AMMECR1: variants seen among roughly 807,000 people sequenced by gnomAD.
AMMECR1 encodes nuclear protein AMMECR1.
A neutral mutation model predicts 22.5 loss-of-function variants in AMMECR1; 3 were observed. The ratio of observed to expected loss-of-function variants is 0.13; its 90% CI spans 0.06 to 0.35. The LOEUF is 0.35. AMMECR1 is among the 10% of genes least tolerant of loss of function. AMMECR1 has a pLI of 1.00. For missense variants in AMMECR1, 235 were observed against 278.7 expected (o/e 0.84, Z 1.12); for synonymous variants, 130 against 116.7 (o/e 1.11, Z -0.74).
intron 2 of AMMECR1, among the ~76,000 whole-genome samples, chrX:110,408,685 C>T (rs1387913478): frequency 3.6e-5 from 4 of 112,098 alleles, no homozygotes; most frequent in Non-Finnish European, 1.9e-5. Flanking sequence ...TGTGATGTTG[C>T]TTTTGGAATT....
intron 2 of AMMECR1, among the ~76,000 whole-genome samples, chrX:110,351,571 A>G (rs1215462296): frequency 8.9e-6 from 1 of 111,911 alleles, no homozygotes; most frequent in Non-Finnish European, 1.9e-5. Context: ...CCTTCCTCAC[A>G]CTATATACAA....
chrX:110,204,220 CA>C (rs2067410947), intron 3 of AMMECR1, among the ~76,000 whole-genome samples: 1 of 111,236 alleles, frequency 9.0e-6, no homozygotes, highest in African/African-American at 3.3e-5. Flanking sequence ...TCAGATTCCT[CA>C]TAATTTGTTT....
intron 2 of AMMECR1, among the ~76,000 whole-genome samples, chrX:110,261,515 T>C (rs757696625): frequency 9.0e-6 from 1 of 111,657 alleles, no homozygotes; most frequent in South Asian, 3.7e-4. Context: ...AAAAAAATTG[T>C]ATTCTTAAAG....
chrX:110,325,493 A>T (rs193066499), intron 2 of AMMECR1, among the ~76,000 whole-genome samples: 1,876 of 111,113 alleles, frequency 0.017, 42 homozygotes, highest in African/African-American at 0.057. Flanking sequence ...GGTGTGTTAA[A>T]TTTTTCTGTT....
At chrX:110,311,293 A>G in intron 1 of AMMECR1, among the ~76,000 whole-genome samples, 1 of 110,631 alleles carries the variant, frequency 9.0e-6, no homozygotes, top group East Asian at 2.9e-4. Context: ...CTCCCTGACC[A>G]CTCCTTTATT....
chrX:110,429,775 G>T (rs916227132), intron 1 of AMMECR1, among the ~76,000 whole-genome samples: 2 of 112,262 alleles, frequency 1.8e-5, no homozygotes, highest in African/African-American at 6.5e-5. Context: ...GAGCCACCAT[G>T]CCTGGCTAGA....
intron 2 of AMMECR1, among the ~76,000 whole-genome samples, chrX:110,375,280 A>C (rs2068368369): frequency 8.9e-6 from 1 of 112,305 alleles, no homozygotes; most frequent in Admixed American, 9.4e-5. Context: ...CAGGAGAACA[A>C]GAGATGGAAT....
At chrX:110,388,088 C>T (rs949051566) in intron 2 of AMMECR1, among the ~76,000 whole-genome samples, 25 of 110,599 alleles carry the variant, frequency 2.3e-4, no homozygotes, top group African/African-American at 7.6e-4. Context: ...AGGATGGTCT[C>T]GATCTCCTGA....
intron 2 of AMMECR1, among the ~76,000 whole-genome samples, chrX:110,385,381 AT>A (rs1211156108): frequency 9.0e-6 from 1 of 111,490 alleles, no homozygotes; most frequent in Non-Finnish European, 1.9e-5. Context: ...AAATTCACCT[AT>A]TTAAAGTGTA....
At chrX:110,357,154 C>G (rs1224591763) in intron 2 of AMMECR1, among the ~76,000 whole-genome samples, 1 of 111,484 alleles carries the variant, frequency 9.0e-6, no homozygotes, top group Non-Finnish European at 1.9e-5. Flanking sequence ...ATTTAACACT[C>G]TATTTTTGAA....
intron 2 of AMMECR1, among the ~76,000 whole-genome samples, chrX:110,409,920 T>G (rs1436608044): frequency 2.7e-5 from 3 of 111,762 alleles, no homozygotes; most frequent in African/African-American, 9.8e-5. Context: ...ATCCCAAACC[T>G]GGCTGTACAA....
intron 1 of AMMECR1, among the ~76,000 whole-genome samples, chrX:110,292,022 C>T (rs768166168): frequency 3.6e-4 from 40 of 112,392 alleles, no homozygotes; most frequent in African/African-American, 1.3e-3. Context: ...TAGTTGATTA[C>T]ATTGTGACAA....
intron 2 of AMMECR1, among the ~76,000 whole-genome samples, chrX:110,382,953 G>A (rs1328990609): frequency 8.9e-6 from 1 of 111,945 alleles, no homozygotes; most frequent in East Asian, 2.8e-4. Context: ...TGGCCTATAA[G>A]GTACAGTAGA....
chrX:110,361,976 G>A (rs916054686), intron 2 of AMMECR1, among the ~76,000 whole-genome samples: 2 of 111,733 alleles, frequency 1.8e-5, no homozygotes, highest in African/African-American at 6.5e-5. Context: ...TAGCTAATGG[G>A]CCATAGTGTA....
intron 2 of AMMECR1, among the ~76,000 whole-genome samples, chrX:110,370,932 C>G (rs2068334242): frequency 8.9e-6 from 1 of 112,143 alleles, no homozygotes; most frequent in Non-Finnish European, 1.9e-5. Context: ...TATCAATTCA[C>G]TTTTGTCCTC....
chrX:110,368,438 C>G (rs189940877), intron 2 of AMMECR1, among the ~76,000 whole-genome samples: 57 of 111,531 alleles, frequency 5.1e-4, no homozygotes, highest in Non-Finnish European at 2.8e-4. Flanking sequence ...TGCTGTTTCT[C>G]AGACATACCA....
chrX:110,378,665 T>C (rs1280822405), intron 2 of AMMECR1, among the ~76,000 whole-genome samples: 1 of 112,223 alleles, frequency 8.9e-6, no homozygotes, highest in Non-Finnish European at 1.9e-5. Flanking sequence ...AGTGTTTCTT[T>C]CACCTGGAAT....
intron 2 of AMMECR1, among the ~76,000 whole-genome samples, chrX:110,419,612 GCA>G (rs1602991754): frequency 8.9e-6 from 1 of 112,249 alleles, no homozygotes; most frequent in Non-Finnish European, 1.9e-5. Context: ...GTGGTGCTTG[GCA>G]CATAGTAGGC....
intron 2 of AMMECR1, among the ~76,000 whole-genome samples, chrX:110,365,449 T>A (rs1156597499): frequency 1.8e-5 from 2 of 112,337 alleles, no homozygotes; most frequent in African/African-American, 6.5e-5. Context: ...TATGCTTTAG[T>A]TCATGTGACA....
Sources: allele counts gnomAD v4.1 joint callset (sites outside exome capture counted in the v4.1 genomes callset), GRCh38; gene constraint gnomAD v4.1.1; transcripts MANE v1.5; gene names NCBI Gene and HGNC (gene_info 2026-07-23, HGNC 2026-07-21).